EIF4B: variants seen among roughly 807,000 people sequenced by gnomAD.
The protein encoded by EIF4B is eukaryotic translation initiation factor 4B.
EIF4B carries 8 observed loss-of-function variants against 79.3 expected under a neutral mutation model. That is an observed-to-expected ratio of 0.10 (90% CI 0.06 to 0.18). EIF4B has a LOEUF of 0.18. EIF4B is among the 10% of genes least tolerant of loss of function. EIF4B has a pLI of 1.00. For missense variants in EIF4B, 515 were observed against 792.4 expected (o/e 0.65, Z 4.20); for synonymous variants, 238 against 274.7 (o/e 0.87, Z 1.32).
intron 14 of EIF4B, 42 bp downstream of exon 14, chr12:53,039,744 A>T: frequency 6.4e-7 from 1 of 1,570,796 alleles, no homozygotes; most frequent in Non-Finnish European, 8.6e-7. Flanking sequence ...TTCTAAGAAA[A>T]ATTCTTAGAA....
intron 6 of EIF4B, among the ~76,000 whole-genome samples, chr12:53,024,806 C>G (rs1295643662): frequency 1.3e-5 from 2 of 152,096 alleles, no homozygotes; most frequent in Non-Finnish European, 2.9e-5. Flanking sequence ...CAGATGCGCA[C>G]CACCACACCT....
At chr12:53,028,585 A>G (rs1351374259) in intron 8 of EIF4B, among the ~76,000 whole-genome samples, 2 of 151,538 alleles carry the variant, frequency 1.3e-5, no homozygotes, top group African/African-American at 2.4e-5. Flanking sequence ...TTGGCTAAGG[A>G]TGACATCAGT....
chr12:53,036,068 G>A (rs544373911), intron 10 of EIF4B, among the ~76,000 whole-genome samples: 134 of 144,870 alleles, frequency 9.2e-4, no homozygotes, highest in Admixed American at 8.3e-3. Context: ...ACAGACGTGA[G>A]CCACCATGCC....
At chr12:53,027,565 GA>G (rs1203025970) in intron 6 of EIF4B, among the ~76,000 whole-genome samples, 1 of 152,082 alleles carries the variant, frequency 6.6e-6, no homozygotes, top group African/African-American at 2.4e-5. Flanking sequence ...TCTCCTTCTG[GA>G]AATTCATTAT....
At chr12:53,038,237 C>A in intron 11 of EIF4B, 119 bp from the exon 12 acceptor site, 1 of 777,362 alleles carries the variant, frequency 1.3e-6, no homozygotes, top group Non-Finnish European at 2.0e-6. Flanking sequence ...TGTTCCATAA[C>A]ATTGAGTATG....
At chr12:53,025,656 T>C (rs1230136734) in intron 6 of EIF4B, among the ~76,000 whole-genome samples, 4 of 152,254 alleles carry the variant, frequency 2.6e-5, no homozygotes, top group Admixed American at 1.3e-4. Context: ...GATTTTCTTA[T>C]ATGTGTCCTG....
intron 9 of EIF4B, 60 bp downstream of exon 9, chr12:53,034,094 C>T: frequency 6.7e-7 from 1 of 1,489,532 alleles, no homozygotes; most frequent in Non-Finnish European, 9.1e-7. Context: ...GGGGGCATTA[C>T]ATCCCCAGGG....
intron 1 of EIF4B, 125 bp from the exon 2 acceptor site, chr12:53,016,348 T>G: frequency 7.7e-7 from 1 of 1,292,358 alleles, no homozygotes; most frequent in Non-Finnish European, 1.1e-6. Flanking sequence ...GGAAATGCCA[T>G]AATTTAACCA....
chr12:53,022,747 G>A, intron 6 of EIF4B, 120 bp downstream of exon 6: 1 of 1,275,706 alleles, frequency 7.8e-7, no homozygotes, highest in Non-Finnish European at 1.0e-6. Flanking sequence ...AGCAGATTAA[G>A]AAAAATTTTG....
intron 3 of EIF4B, among the ~76,000 whole-genome samples, chr12:53,019,437 A>ATTTTTTTTTTT (rs1337954535): frequency 3.9e-5 from 2 of 51,022 alleles, no homozygotes; most frequent in African/African-American, 6.6e-5. Context: ...ATATATATAT[A>ATTTTTTTTTTT]TTTTTTTTTT....
rs1592229019 is a variant in EIF4B at position 53,037,311 on chromosome 12, A to G, written c.1307-98A>G. On this transcript the variant is annotated intron_variant, in intron 10 of 14. Transcript: ENST00000262056. ...GGGATAAATCCATCTTTGGGAGCCAAAACTTGGATGTGGACCATTTTCCAC... is the reference window on the plus strand; with the variant it reads ...GGGATAAATCCATCTTTGGGAGCCAGAACTTGGATGTGGACCATTTTCCAC... 3.6e-6 allele frequency: 5 copies of G among 1,395,328 alleles called. No individual in the cohort carries two copies. The South Asian group carries it at 4.2e-5, about 12-fold the overall frequency. The allele number at this position is 1,395,328 out of a possible 1,614,324, so 86.4% of individuals were successfully genotyped here. A position where few individuals can be genotyped will look rare whatever the true frequency, so the allele number is the denominator to read the frequency against.
intron 14 of EIF4B, 200 bp downstream of exon 14, chr12:53,039,902 T>C: frequency 1.3e-6 from 1 of 756,090 alleles, no homozygotes; most frequent in Non-Finnish European, 2.1e-6. Flanking sequence ...TTTCCTGGTT[T>C]CTGTCTTCCT....
intron 1 of EIF4B, among the ~76,000 whole-genome samples, chr12:53,007,464 C>G (rs1942988570): frequency 1.7e-5 from 2 of 117,858 alleles, no homozygotes; most frequent in South Asian, 5.7e-4. Context: ...AACTGTGCAA[C>G]TACCAGCAGG....
At chr12:53,023,033 G>A (rs750264034) in intron 6 of EIF4B, among the ~76,000 whole-genome samples, 1 of 151,960 alleles carries the variant, frequency 6.6e-6, no homozygotes, top group African/African-American at 2.4e-5. Flanking sequence ...GTGGTGGTAC[G>A]CACCTGCAGT....
At chr12:53,036,226 C>G (rs1425271390) in intron 10 of EIF4B, among the ~76,000 whole-genome samples, 7 of 152,136 alleles carry the variant, frequency 4.6e-5, no homozygotes, top group Non-Finnish European at 1.0e-4. Flanking sequence ...GATTCTCCTG[C>G]CCAAGCCTCC....
At chr12:53,007,676 A>G (rs1942992047) in intron 1 of EIF4B, among the ~76,000 whole-genome samples, 1 of 152,206 alleles carries the variant, frequency 6.6e-6, no homozygotes, top group African/African-American at 2.4e-5. Context: ...TCTTCAAAAC[A>G]TTATTTGAAC....
Position 53,028,087 on chromosome 12 carries a change from G to A in EIF4B, c.878G>A (p.Gly293Glu). 4 of 1,614,120 alleles carry A rather than the reference G, an allele frequency of 2.5e-6. No homozygotes were observed. The highest frequency in any genetic ancestry group is 2.5e-6 in the Non-Finnish European group (3 of 1,179,998). The change falls in exon 8 of 15, where the codon GGA becomes GAA. Residue 293 changes from glycine to glutamate, a missense_variant. Around this residue, in one of 6 missense-constraint regions of EIF4B, gnomAD observed 187 missense variants for 256.5 expected, o/e 0.73. Transcript: ENST00000262056. ...SGYRRDDDYR[G>E]GGDRYEDRYD... ...TATCGCAGGGATGATGACTACAGAGGAGGCGGGGACCGCTATGAAGACCGA... is the reference window on the plus strand; with the variant it reads ...TATCGCAGGGATGATGACTACAGAGAAGGCGGGGACCGCTATGAAGACCGA...
Position 53,040,137 on chromosome 12 carries a change from T to G in EIF4B, c.1756-6T>G. 6.2e-7 allele frequency: 1 copy of G among 1,614,154 alleles called. No homozygotes were observed. The highest frequency in any genetic ancestry group is 1.3e-5 in the African/African-American group (1 of 75,062). On this transcript the variant is annotated splice_polypyrimidine_tract_variant and splice_region_variant and intron_variant, in intron 14 of 14. Coordinates refer to ENST00000262056, the MANE Select transcript of EIF4B (RefSeq NM_001417.7). ...TCATTATCCTGTCACTCTCGTTGTG[T>G]TACAGAAGTTCAGTTCTGCAAGCAA...
At chr12:53,039,924 C>A in intron 14 of EIF4B, 1 of 736,100 alleles carries the variant, frequency 1.4e-6, no homozygotes. Context: ...TGTTCTCATC[C>A]CTTCTGCAAG....
Sources: allele counts gnomAD v4.1 joint callset (sites outside exome capture counted in the v4.1 genomes callset), GRCh38; gene constraint gnomAD v4.1.1; regional missense constraint gnomAD v4.1.1; transcripts MANE v1.5; gene names NCBI Gene and HGNC (gene_info 2026-07-23, HGNC 2026-07-21).